The following FAM83D variants were observed in gnomAD, a reference collection of about 807,000 sequenced individuals.
FAM83D encodes the protein protein FAM83D.
FAM83D carries 26 observed loss-of-function variants against 25.4 expected under a neutral mutation model. The ratio of observed to expected loss-of-function variants is 1.02; its 90% CI spans 0.75 to 1.42. The LOEUF (loss-of-function observed/expected upper bound fraction) is 1.42, where lower values mean the gene tolerates loss of function less well. Ranked by LOEUF, FAM83D falls within the 40% of genes most tolerant of loss-of-function variation. The pLI, the probability that FAM83D is intolerant of heterozygous loss-of-function variation, is 0.00. For missense variants in FAM83D, 740 were observed against 758.1 expected (o/e 0.98, Z 0.28); for synonymous variants, 310 against 318.5 (o/e 0.97, Z 0.28).
In FAM83D at chr20:38,951,959, G is replaced by T. The variant is rs201866364; in HGVS notation, c.1197G>T (p.Met399Ile). The change falls in exon 4 of 4, where the codon ATG (methionine) becomes ATT (isoleucine). Residue 399 changes from methionine to isoleucine, a missense_variant. Coordinates refer to ENST00000619850, the MANE Select transcript of FAM83D (RefSeq NM_030919.3). ...CTCAAACAGAGCCAGGAGAGGAGAT[G>T]CCAGGGCTGAGTGTGAGTGAGGTGG... Reference protein sequence around the residue: ...AATQTEPGEEMPGLSVSEVGT... With the variant: ...AATQTEPGEEIPGLSVSEVGT... The T allele has an allele frequency of 6.2e-7, 1 of 1,614,156 alleles. No homozygotes were observed. Among genetic ancestry groups the T allele is most frequent in the Non-Finnish European group, 8.5e-7 (1 of 1,180,022 alleles).
rs144709576 is a variant in FAM83D at position 38,947,600 on chromosome 20, G to A, written c.652-276G>A. Among the ~76,000 whole-genome samples the A allele has an allele frequency of 2.1e-3, 321 of 152,220 alleles. 1 individual carries two copies. The highest frequency in any genetic ancestry group is 6.8e-3 in the Middle Eastern group (2 of 294). On this transcript the variant is annotated intron_variant, in intron 2 of 3. Transcript: ENST00000619850. ...CCCAAAAAGGTTGAGTGTTCTTTTA[G>A]AACACATACACGCATGAACTAAGGG... is the stretch of plus-strand genomic sequence containing the variant.
chr20:38,926,518 G>A lies in FAM83D; in HGVS notation c.76G>A (p.Glu26Lys). ...GCCGTGCGGGCCGCCCAACCCGACC[G>A]AGCTGTTCAGCGAGTCACGGCGCCT... ...LSPCGPPNPT[E>K]LFSESRRLAL... Residue 26 changes from glutamate to lysine, a missense_variant, in exon 1 of 4, where the codon GAG becomes AAG. Coordinates refer to ENST00000619850, the MANE Select transcript of FAM83D (RefSeq NM_030919.3). 6 of 1,593,956 alleles carry A rather than the reference G, an allele frequency of 3.8e-6. No homozygotes were observed. Among genetic ancestry groups the A allele is most frequent in the Non-Finnish European group, 5.1e-6 (6 of 1,176,772 alleles).
At position 38,946,449 on chromosome 20, in the gene FAM83D, T is replaced by C. The variant is rs571987868; in HGVS notation, c.652-1427T>C. Among the ~76,000 whole-genome samples the C allele has an allele frequency of 4.4e-4, 67 of 152,308 alleles. No homozygotes were observed. In the South Asian group the frequency reaches 9.5e-3, roughly 22 times the overall value. ...CAAATGTTACATCTTATGTAACTTA[T>C]GGTACAATGTCAAAACCTGGAAATT... On this transcript the variant is annotated intron_variant, in intron 2 of 3. Transcript: ENST00000619850.
chr20:38,945,568 C>T (rs1242049638), intron 2 of FAM83D, among the ~76,000 whole-genome samples: 1 of 152,134 alleles, frequency 6.6e-6, no homozygotes, highest in Admixed American at 6.5e-5. Flanking sequence ...ATCTAATTTA[C>T]AGACTTATAC....
chr20:38,952,193 T>C lies in FAM83D; in HGVS notation c.1431T>C (p.Ser477=), dbSNP rs751839937. 1 of 1,614,202 alleles carries C rather than the reference T, an allele frequency of 6.2e-7. No individual in the cohort carries two copies. Among genetic ancestry groups the C allele is most frequent in the East Asian group, 2.2e-5 (1 of 44,880 alleles). The change falls in exon 4 of 4, where the codon TCT becomes TCC. Residue 477 remains serine (S), a synonymous_variant. Transcript: ENST00000619850. The part of the protein sequence containing the change: ...MSVSRSSSLK[S]SSSVSSQGSV... ...TATCGAGATCTTCCAGTTTGAAGTC[T>C]TCCTCCTCTGTGTCTTCCCAAGGCT...
rs2085634091 is a variant in FAM83D at position 38,926,435 on chromosome 20, G to T, written c.-8G>T. On this transcript the variant is annotated 5_prime_UTR_variant, in exon 1 of 4. Transcript: ENST00000619850. ...TTTGTCCGAGGGCTGTCGAGTCCGA[G>T]CGCCGCCATGGCTCTGCTGTCCGAG... is the stretch of plus-strand genomic sequence containing the variant. 2 of 1,597,898 alleles carry T rather than the reference G, an allele frequency of 1.3e-6. No homozygotes were observed. The highest frequency in any genetic ancestry group is 2.2e-5 in the South Asian group (2 of 90,918).
chr20:38,933,097 A>G (rs1349549661), intron 1 of FAM83D, among the ~76,000 whole-genome samples: 3 of 152,238 alleles, frequency 2.0e-5, no homozygotes, highest in Admixed American at 6.5e-5. Flanking sequence ...GTCAGCCCCA[A>G]GCAGGGCTTC....
intron 1 of FAM83D, among the ~76,000 whole-genome samples, chr20:38,929,551 G>T (rs973053304): frequency 1.1e-4 from 16 of 151,726 alleles, no homozygotes; most frequent in African/African-American, 2.9e-4. Flanking sequence ...GGTAAGGGAT[G>T]CTGAAATGAG....
chr20:38,928,202 G>A (rs1469460604), intron 1 of FAM83D, among the ~76,000 whole-genome samples: 1 of 152,254 alleles, frequency 6.6e-6, no homozygotes, highest in African/African-American at 2.4e-5. Flanking sequence ...TAAAGCCCCA[G>A]CCATGTTAAG....
intron 1 of FAM83D, among the ~76,000 whole-genome samples, chr20:38,939,432 C>T (rs936306290): frequency 6.6e-6 from 1 of 152,150 alleles, no homozygotes; most frequent in African/African-American, 2.4e-5. Flanking sequence ...TCACTGCAAC[C>T]TTCACCTCCC....
rs769183577 is a variant in FAM83D at position 38,951,899 on chromosome 20, C to T, written c.1137C>T (p.Asp379=). The part of the protein sequence containing the change: ...SEEDYFSSHR[D]ELQSRKAIDA... Reference sequence around the variant, plus strand: ...AAGACTACTTCAGCAGCCACAGGGACGAGCTCCAGAGCAGAAAGGCCATTG... The same window carrying T: ...AAGACTACTTCAGCAGCCACAGGGATGAGCTCCAGAGCAGAAAGGCCATTG... The change falls in exon 4 of 4, where the codon GAC becomes GAT. Residue 379 remains aspartate (D), a synonymous_variant. Coordinates refer to ENST00000619850, the MANE Select transcript of FAM83D (RefSeq NM_030919.3). The T allele has an allele frequency of 2.2e-5, 36 of 1,614,042 alleles. No homozygotes were observed. Among genetic ancestry groups the T allele is most frequent in the Admixed American group, 1.0e-4 (6 of 59,992 alleles).
intron 1 of FAM83D, 146 bp downstream of exon 1, chr20:38,927,071 C>T (rs548012455): frequency 5.2e-6 from 7 of 1,335,724 alleles, no homozygotes; most frequent in African/African-American, 3.1e-5. Flanking sequence ...CCAGGGTCTC[C>T]GACTCACACC....
At chr20:38,947,674 G>A (rs922839201) in intron 2 of FAM83D, among the ~76,000 whole-genome samples, 2 of 152,182 alleles carry the variant, frequency 1.3e-5, no homozygotes, top group African/African-American at 4.8e-5. Context: ...TGGACCAAAT[G>A]TAGAAGTAAC....
At chr20:38,928,295 ACT>A (rs1371987199) in intron 1 of FAM83D, among the ~76,000 whole-genome samples, 2 of 151,878 alleles carry the variant, frequency 1.3e-5, no homozygotes, top group African/African-American at 4.8e-5. Context: ...CCAAGCCCCG[ACT>A]CTCACCAATG....
At chr20:38,932,349 G>C (rs1389586741) in intron 1 of FAM83D, among the ~76,000 whole-genome samples, 1 of 152,224 alleles carries the variant, frequency 6.6e-6, no homozygotes, top group Non-Finnish European at 1.5e-5. Context: ...TCATGCCAGT[G>C]CACTCCAGCT....
intron 1 of FAM83D, among the ~76,000 whole-genome samples, chr20:38,927,255 T>G (rs1404990134): frequency 6.6e-6 from 1 of 152,142 alleles, no homozygotes; most frequent in Non-Finnish European, 1.5e-5. Flanking sequence ...AAAATCAAAC[T>G]TGGAAAATTG....
At chr20:38,944,997 T>C (rs184093935) in intron 2 of FAM83D, among the ~76,000 whole-genome samples, 1 of 152,184 alleles carries the variant, frequency 6.6e-6, no homozygotes, top group African/African-American at 2.4e-5. Flanking sequence ...TTTTACCTCC[T>C]TCCTGGGGAA....
chr20:38,947,989 A>C lies in FAM83D; in HGVS notation c.765A>C (p.Thr255=). The part of the protein sequence containing the change: ...FTLIDGIRVA[T]GSYSFTWTDG... ...TGATTGATGGCATCCGCGTGGCAAC[A>C]GGCTCCTACAGGTAAGTCTCTAACC... Residue 255 remains threonine, a synonymous_variant, in exon 3 of 4, where the codon ACA becomes ACC. Coordinates refer to ENST00000619850, the MANE Select transcript of FAM83D (RefSeq NM_030919.3). 1 of 1,614,188 alleles carries C rather than the reference A, an allele frequency of 6.2e-7. No homozygotes were observed.
At position 38,926,733 on chromosome 20, in the gene FAM83D, T is replaced by A; in HGVS notation, c.291T>A (p.Ser97=). ...CGTTCGGCTCCTCGCACGACTGCTC[T>A]TCGGGCACCTACTTCCCCGAGCAGT... ...EDSFGSSHDC[S]SGTYFPEQSD... is the part of the protein sequence containing the mutation. Residue 97 remains serine, a synonymous_variant, in exon 1 of 4, where the codon TCT becomes TCA. Transcript: ENST00000619850. 6.5e-7 allele frequency: 1 copy of A among 1,529,872 alleles called. No individual in the cohort carries two copies. Among genetic ancestry groups the A allele is most frequent in the Non-Finnish European group, 8.7e-7 (1 of 1,145,054 alleles). 94.8% of individuals were successfully genotyped at this position (1,529,872 alleles called of 1,614,324 possible).
Sources: gnomAD v4.1 joint callset for allele counts (sites outside exome capture counted in the v4.1 genomes callset) on GRCh38, gnomAD v4.1.1 for gene constraint, MANE v1.5 for transcripts, NCBI Gene and HGNC (gene_info 2026-07-23, HGNC 2026-07-21) for gene names.